Variants in FBXO4 observed in about 807,000 individuals in gnomAD.
FBXO4 encodes F-box protein 4, also known as F-box only protein 4.
In FBXO4, 36 loss-of-function variants were observed where a neutral mutation model predicts 43.7. That is an observed-to-expected ratio of 0.82 (90% confidence interval 0.63 to 1.09). The LOEUF (loss-of-function observed/expected upper bound fraction) is 1.09, where lower values mean the gene tolerates loss of function less well. Among genes scored for constraint, FBXO4 ranks in the 50% least tolerant of loss-of-function variants. The pLI is 0.00. For synonymous variants in FBXO4, 180 were observed against 165.6 expected, an observed-to-expected ratio of 1.09 and a Z score of -0.67; for missense variants, 435 against 474.1, an observed-to-expected ratio of 0.92 and a Z score of 0.77.
the FBXO4 span, among the ~76,000 whole-genome samples, chr5:41,990,076 T>G: frequency 6.6e-6 from 1 of 152,184 alleles, no homozygotes; most frequent in South Asian, 2.1e-4. Flanking sequence ...ACCATCATCA[T>G]AAAGCTACAT....
the FBXO4 span, among the ~76,000 whole-genome samples, chr5:42,017,425 A>C: frequency 6.7e-6 from 1 of 149,122 alleles, no homozygotes; most frequent in East Asian, 1.9e-4. Flanking sequence ...ATTTTCAAAA[A>C]ATTTCTTTTT....
chr5:42,038,039 A>G, the FBXO4 span, among the ~76,000 whole-genome samples: 3 of 152,262 alleles, frequency 2.0e-5, no homozygotes, highest in South Asian at 6.2e-4. Context: ...GAATTCAAAC[A>G]GTAAGGAAAT....
downstream of FBXO4, among the ~76,000 whole-genome samples, chr5:41,942,731 A>G (rs1271418460): frequency 6.6e-6 from 1 of 151,990 alleles, no homozygotes; most frequent in Non-Finnish European, 1.5e-5. Context: ...TCCTAGTCCT[A>G]ATTATCTTTG....
At chr5:41,928,487 A>T (rs1751582162) in intron 2 of FBXO4, 2 of 153,286 alleles carry the variant, frequency 1.3e-5, no homozygotes, top group African/African-American at 4.8e-5. Context: ...GGCACCCGCC[A>T]CCACGCCTGG....
chr5:41,949,912 A>G, the FBXO4 span, among the ~76,000 whole-genome samples: 4 of 152,356 alleles, frequency 2.6e-5, no homozygotes, highest in East Asian at 3.9e-4. Flanking sequence ...ATAATGCCAC[A>G]TATCTACAAC....
At chr5:42,010,399 T>C in the FBXO4 span, among the ~76,000 whole-genome samples, 2 of 151,952 alleles carry the variant, frequency 1.3e-5, no homozygotes, top group Non-Finnish European at 2.9e-5. Flanking sequence ...TCCTAGCTAC[T>C]TGGGAGGCTG....
At chr5:41,927,621 A>C (rs986303502) in intron 2 of FBXO4, among the ~76,000 whole-genome samples, 28 of 152,248 alleles carry the variant, frequency 1.8e-4, no homozygotes, top group African/African-American at 6.8e-4. Flanking sequence ...GAAGAAAACC[A>C]TTCTAAAGGC....
At chr5:41,965,399 A>C in the FBXO4 span, among the ~76,000 whole-genome samples, 1 of 152,042 alleles carries the variant, frequency 6.6e-6, no homozygotes. Context: ...ACTTTAAAGT[A>C]TTTTTTTCCA....
At chr5:42,024,797 C>G in the FBXO4 span, among the ~76,000 whole-genome samples, 3 of 151,952 alleles carry the variant, frequency 2.0e-5, no homozygotes, top group Non-Finnish European at 4.4e-5. Context: ...TGAGTGAGAA[C>G]AAATGATGTC....
chr5:42,024,494 A>G, the FBXO4 span, among the ~76,000 whole-genome samples: 2 of 152,028 alleles, frequency 1.3e-5, no homozygotes, highest in African/African-American at 2.4e-5. Context: ...CATGCAATGT[A>G]TAATAATTAC....
the FBXO4 span, among the ~76,000 whole-genome samples, chr5:42,004,791 G>C: frequency 6.6e-6 from 1 of 152,120 alleles, no homozygotes; most frequent in Non-Finnish European, 1.5e-5. Context: ...CTGTAGAATG[G>C]GCGGTGGTGA....
chr5:42,007,406 A>C, the FBXO4 span, among the ~76,000 whole-genome samples: 1 of 152,138 alleles, frequency 6.6e-6, no homozygotes, highest in Non-Finnish European at 1.5e-5. Flanking sequence ...AAAAAGTATT[A>C]GCCATCTTCT....
chr5:41,935,737 T>C (rs978191292), intron 5 of FBXO4, among the ~76,000 whole-genome samples: 1 of 152,190 alleles, frequency 6.6e-6, no homozygotes, highest in Non-Finnish European at 1.5e-5. Context: ...AATCTCCATG[T>C]CCCTACCAAT....
the FBXO4 span, among the ~76,000 whole-genome samples, chr5:41,948,538 G>A: frequency 6.6e-6 from 1 of 151,824 alleles, no homozygotes; most frequent in South Asian, 2.1e-4. Context: ...TACATATAAC[G>A]AATGAACGTT....
chr5:41,991,127 C>A, the FBXO4 span, among the ~76,000 whole-genome samples: 1 of 152,138 alleles, frequency 6.6e-6, no homozygotes, highest in South Asian at 2.1e-4. Flanking sequence ...TCCATATCCC[C>A]AGCCTCTACT....
chr5:41,932,951 AG>A (rs1482233758), intron 3 of FBXO4, among the ~76,000 whole-genome samples: 2 of 152,210 alleles, frequency 1.3e-5, no homozygotes, highest in African/African-American at 4.8e-5. Flanking sequence ...CTAATGATTC[AG>A]ATACAAAGCA....
the FBXO4 span, among the ~76,000 whole-genome samples, chr5:42,020,566 C>T: frequency 6.6e-6 from 1 of 152,136 alleles, no homozygotes; most frequent in Non-Finnish European, 1.5e-5. Flanking sequence ...TTTGATTTTT[C>T]AGTTCACAGT....
the FBXO4 span, among the ~76,000 whole-genome samples, chr5:42,003,601 T>C: frequency 6.6e-6 from 1 of 152,110 alleles, no homozygotes; most frequent in African/African-American, 2.4e-5. Context: ...ACATGTGCCA[T>C]GTTGGTGTGG....
chr5:41,979,562 A>G, the FBXO4 span, among the ~76,000 whole-genome samples: 3 of 152,222 alleles, frequency 2.0e-5, no homozygotes, highest in Non-Finnish European at 2.9e-5. Flanking sequence ...ACCACTCCCA[A>G]CATGGCCAGT....
Sources: allele counts gnomAD v4.1 joint callset (sites outside exome capture counted in the v4.1 genomes callset), GRCh38; gene constraint gnomAD v4.1.1; transcripts MANE v1.5; gene names NCBI Gene and HGNC (gene_info 2026-07-23, HGNC 2026-07-21).